SPATS2: variants seen among roughly 807,000 people sequenced by gnomAD.
SPATS2 encodes the protein spermatogenesis-associated serine-rich protein 2.
A neutral mutation model predicts 63.7 loss-of-function variants in SPATS2; 38 were observed. The observed-to-expected ratio is 0.60, with a 90% CI of 0.46 to 0.78. SPATS2 has a LOEUF of 0.78. Ranked by LOEUF, SPATS2 falls within the 30% of genes least tolerant of loss-of-function variation. The pLI is 0.00. For missense variants in SPATS2, 588 were observed against 666.2 expected (o/e 0.88, Z 1.29); for synonymous variants, 207 against 232.9 (o/e 0.89, Z 1.01).
At chr12:49,464,990 T>C (rs981594834) in intron 3 of SPATS2, among the ~76,000 whole-genome samples, 2 of 152,242 alleles carry the variant, frequency 1.3e-5, no homozygotes, top group African/African-American at 2.4e-5. Context: ...ATATAGATAT[T>C]ATGTCTGGCT....
intron 3 of SPATS2, among the ~76,000 whole-genome samples, chr12:49,470,953 G>C (rs1168506461): frequency 6.6e-6 from 1 of 152,108 alleles, no homozygotes; most frequent in Non-Finnish European, 1.5e-5. Flanking sequence ...AAACTTTGAA[G>C]GTAAATAAGA....
chr12:49,391,264 A>G (rs1456630987), intron 2 of SPATS2, among the ~76,000 whole-genome samples: 5 of 152,240 alleles, frequency 3.3e-5, no homozygotes, highest in Admixed American at 3.3e-4. Flanking sequence ...CTGTAATCCC[A>G]GCACTTTGGG....
intron 2 of SPATS2, among the ~76,000 whole-genome samples, chr12:49,440,830 C>T (rs1486293632): frequency 2.0e-5 from 3 of 152,056 alleles, no homozygotes; most frequent in Admixed American, 2.0e-4. Context: ...TTGGTGTTTC[C>T]TTATGATTAG....
chr12:49,427,479 C>T (rs1031667631), intron 2 of SPATS2, among the ~76,000 whole-genome samples: 2 of 152,082 alleles, frequency 1.3e-5, no homozygotes, highest in African/African-American at 2.4e-5. Flanking sequence ...ATGAATACTA[C>T]GTGTTTTCTA....
intron 3 of SPATS2, among the ~76,000 whole-genome samples, chr12:49,472,630 A>T (rs904759079): frequency 8.5e-5 from 12 of 141,230 alleles, no homozygotes; most frequent in East Asian, 3.9e-4. Flanking sequence ...TATATATATA[A>T]AATATTATAT....
intron 2 of SPATS2, among the ~76,000 whole-genome samples, chr12:49,436,583 C>CT (rs1945297883): frequency 2.5e-5 from 3 of 117,888 alleles, no homozygotes; most frequent in East Asian, 2.5e-4. Context: ...CCCTCCCGGA[C>CT]GGGGTGGCTG....
At chr12:49,436,600 C>A (rs1945298527) in intron 2 of SPATS2, among the ~76,000 whole-genome samples, 1 of 120,868 alleles carries the variant, frequency 8.3e-6, no homozygotes, top group Non-Finnish European at 1.8e-5. Context: ...GCTGGCCGGG[C>A]CGGGGGCTGA....
At chr12:49,464,355 C>CA (rs1945871638) in intron 3 of SPATS2, among the ~76,000 whole-genome samples, 1 of 150,808 alleles carries the variant, frequency 6.6e-6, no homozygotes, top group African/African-American at 2.4e-5. Context: ...TGTGGTGGCT[C>CA]ACGCCTGTAA....
intron 1 of SPATS2, among the ~76,000 whole-genome samples, chr12:49,368,417 T>G (rs1943940974): frequency 6.6e-6 from 1 of 152,222 alleles, no homozygotes; most frequent in African/African-American, 2.4e-5. Context: ...TGCTTTAAGT[T>G]AGGTCAGTGA....
chr12:49,504,731 C>A (rs532596794), intron 9 of SPATS2, among the ~76,000 whole-genome samples: 1 of 26,364 alleles, frequency 3.8e-5, no homozygotes, highest in African/African-American at 9.2e-5. Flanking sequence ...CTTTTATTGG[C>A]GCGTTTTTTT....
chr12:49,434,002 T>A (rs963563624), intron 2 of SPATS2, among the ~76,000 whole-genome samples: 1 of 152,240 alleles, frequency 6.6e-6, no homozygotes, highest in African/African-American at 2.4e-5. Flanking sequence ...CATGTAGATA[T>A]CCAGTTTTCC....
intron 2 of SPATS2, among the ~76,000 whole-genome samples, chr12:49,409,591 A>ATTT (rs1565707922): frequency 2.4e-5 from 3 of 123,316 alleles, no homozygotes; most frequent in Non-Finnish European, 3.3e-5. Flanking sequence ...TGTGCCCAGC[A>ATTT]ATTTTTTTTT....
At chr12:49,500,291 A>G in intron 9 of SPATS2, 86 bp downstream of exon 9, 1 of 1,384,924 alleles carries the variant, frequency 7.2e-7, no homozygotes, top group Non-Finnish European at 9.7e-7. Flanking sequence ...AAGTTCATTC[A>G]TTCATGACTA....
intron 2 of SPATS2, among the ~76,000 whole-genome samples, chr12:49,432,098 T>G (rs577759763): frequency 1.3e-3 from 191 of 152,224 alleles, no homozygotes; most frequent in Non-Finnish European, 2.1e-3. Flanking sequence ...ACATTCTCAC[T>G]TAGATGTGAG....
rs754047074 is a variant in SPATS2, at chr12:49,460,982, T to G, written c.-31T>G. The G allele has an allele frequency of 2.5e-6, 4 of 1,613,290 alleles. No homozygotes were observed. The highest frequency in any genetic ancestry group is 3.4e-6 in the Non-Finnish European group (4 of 1,179,598). On this transcript the variant is annotated 5_prime_UTR_variant, in exon 3 of 14. Coordinates refer to ENST00000552918, the MANE Select transcript of SPATS2 (RefSeq NM_023071.4). ...CAGACAAGGCAAAAGGATACTTTTC[T>G]TGTATATTTTTTGAGATCGAAGAAA...
At chr12:49,460,327 G>A (rs962434260) in intron 2 of SPATS2, among the ~76,000 whole-genome samples, 1 of 151,984 alleles carries the variant, frequency 6.6e-6, no homozygotes, top group Admixed American at 6.6e-5. Context: ...GGTGGTGCAC[G>A]CCTGTAGTCC....
intron 9 of SPATS2, among the ~76,000 whole-genome samples, chr12:49,505,957 G>T (rs1279851205): frequency 2.0e-5 from 3 of 152,164 alleles, no homozygotes; most frequent in African/African-American, 7.2e-5. Flanking sequence ...CCAACTTTAT[G>T]ATGGTATGAA....
chr12:49,522,087 G>C (rs1263794626), intron 11 of SPATS2, among the ~76,000 whole-genome samples: 1 of 151,656 alleles, frequency 6.6e-6, no homozygotes, highest in Non-Finnish European at 1.5e-5. Flanking sequence ...TAGACCCCCA[G>C]AAGCACTTTA....
chr12:49,381,742 T>C (rs1944226541), intron 2 of SPATS2, among the ~76,000 whole-genome samples: 1 of 152,188 alleles, frequency 6.6e-6, no homozygotes, highest in Non-Finnish European at 1.5e-5. Flanking sequence ...TGTATTATCA[T>C]TGTTTTATGC....
Sources: allele counts gnomAD v4.1 joint callset (sites outside exome capture counted in the v4.1 genomes callset), GRCh38; gene constraint gnomAD v4.1.1; transcripts MANE v1.5; gene names NCBI Gene and HGNC (gene_info 2026-07-23, HGNC 2026-07-21).